Variants in PLAT observed in about 807,000 individuals in gnomAD.
PLAT encodes the protein tissue-type plasminogen activator.
In PLAT, 48 loss-of-function variants were observed where a neutral mutation model predicts 74.9. The observed-to-expected ratio is 0.64, with a 90% CI of 0.51 to 0.82. The LOEUF is 0.82. Among genes scored for constraint, PLAT ranks in the 40% least tolerant of loss-of-function variants. The pLI is 0.00. For missense variants in PLAT, 673 were observed against 736.2 expected, an observed-to-expected ratio of 0.91 and a Z score of 0.99; for synonymous variants, 307 against 294.4, an observed-to-expected ratio of 1.04 and a Z score of -0.44.
At position 42,193,176 on chromosome 8, in the gene PLAT, T is replaced by C; in HGVS notation, c.10A>G (p.Met4Val). The C allele has an allele frequency of 6.2e-7, 1 of 1,613,704 alleles. No individual in the cohort carries two copies. Among genetic ancestry groups the C allele is most frequent in the Non-Finnish European group, 8.5e-7 (1 of 1,179,670 alleles). The part of the protein sequence containing the change: MDA[M>V]KRGLCCVLLL... ...AGCACACAGCAGAGCCCTCTCTTCA[T>C]TGCATCCATGATTGCTTCACAGCGT... Residue 4 changes from methionine to valine, a missense_variant, in exon 2 of 14, where the codon ATG (methionine) becomes GTG (valine). Met to Val is a conservative substitution (Grantham distance 21). Coordinates refer to ENST00000220809, the MANE Select transcript of PLAT (RefSeq NM_000930.5).
chr8:42,186,309 A>G (rs1029384849), intron 6 of PLAT: 2 of 152,126 alleles, frequency 1.3e-5, no homozygotes, highest in African/African-American at 4.8e-5. Flanking sequence ...TGCTCATCTG[A>G]GACAAATGCG....
chr8:42,192,827 C>G (rs74458441), intron 2 of PLAT, among the ~76,000 whole-genome samples: 195 of 152,240 alleles, frequency 1.3e-3, no homozygotes, highest in African/African-American at 4.7e-3. Context: ...TTAAAAACAG[C>G]TGCAAAAAAA....
Position 42,187,463 on chromosome 8 carries a change from C to T in PLAT, c.474G>A (p.Gln158=). The T allele has an allele frequency of 6.2e-7, 1 of 1,607,684 alleles. No individual in the cohort carries two copies. The highest frequency in any genetic ancestry group is 1.7e-4 in the Middle Eastern group (1 of 6,050). ...CTGGCCTCCGCCCGCTGTAGGGCTTCTGGGCCAACGCGCTGCTGTTCCAGT... is the reference window on the plus strand; with the variant it reads ...CTGGCCTCCGCCCGCTGTAGGGCTTTTGGGCCAACGCGCTGCTGTTCCAGT... ...CTNWNSSALA[Q]KPYSGRRPDA... The change falls in exon 6 of 14, where the codon CAG becomes CAA. Residue 158 remains glutamine (Q), a synonymous_variant. Transcript: ENST00000220809.
At position 42,187,952 on chromosome 8, in the gene PLAT, G is replaced by A. The variant is rs138954051; in HGVS notation, c.318C>T (p.Phe106=). ...CAAATCCTTCGGGGCACTGGCACACGAAATCTGAGAAGTACAGGGCCTGCT... is the reference window on the plus strand; with the variant it reads ...CAAATCCTTCGGGGCACTGGCACACAAAATCTGAGAAGTACAGGGCCTGCT... ...TCQQALYFSD[F]VCQCPEGFAG... The change falls in exon 5 of 14, where the codon TTC becomes TTT. Residue 106 remains phenylalanine (F), a synonymous_variant. Coordinates refer to ENST00000220809, the MANE Select transcript of PLAT (RefSeq NM_000930.5). 57 of 1,613,736 alleles carry A rather than the reference G, an allele frequency of 3.5e-5. No individual in the cohort carries two copies. Among genetic ancestry groups the A allele is most frequent in the African/African-American group, 5.3e-5 (4 of 75,038 alleles).
rs930892177 is a variant in PLAT, at chr8:42,175,102, G to C, written c.*891C>G. 1 of 152,128 alleles carries C rather than the reference G, an allele frequency of 6.6e-6. No homozygotes were observed. The highest frequency in any genetic ancestry group is 2.4e-5 in the African/African-American group (1 of 41,410). 9.4% of individuals were successfully genotyped at this position (152,128 alleles called of 1,614,324 possible). On this transcript the variant is annotated 3_prime_UTR_variant, in exon 14 of 14. Transcript: ENST00000220809. The stretch of plus-strand genomic sequence containing the variant: ...TCCTTTTCCCGGTCTGGAGCACCTA[G>C]CCCATTGCCTTGTATGTTACAGGTG...
Position 42,180,605 on chromosome 8 carries a change from AG to A in PLAT, c.969del (p.Trp324GlyfsTer45). On this transcript the variant is annotated frameshift_variant, in exon 10 of 14. Coordinates refer to ENST00000220809, the MANE Select transcript of PLAT (RefSeq NM_000930.5). LOFTEE classifies it high-confidence loss of function. ...TGCTTGGCAAAGATGGCAGCCTGCC[AG>A]GGGTGGGAGGCGATGTCGGCGAAGA... ...GGLFADIASH[P>X]WQAAIFAKHR... 1 of 1,613,240 alleles carries A rather than the reference AG, an allele frequency of 6.2e-7. No individual in the cohort carries two copies. Among genetic ancestry groups the A allele is most frequent in the Non-Finnish European group, 8.5e-7 (1 of 1,179,372 alleles).
rs5891180 is a variant in PLAT, at chr8:42,178,264, CTT to C, written c.1530+631_1530+632del. On this transcript the variant is annotated intron_variant, in intron 13 of 13. Transcript: ENST00000220809. Reference sequence around the variant, plus strand: ...TGCCAACAGAGGCAAACATTTCTTTCTTTTTTTTTTTTTTTTTTTTTTTGAGA... The same window carrying C: ...TGCCAACAGAGGCAAACATTTCTTTCTTTTTTTTTTTTTTTTTTTTTGAGA... 2.5e-3 allele frequency among the ~76,000 whole-genome samples: 272 copies of C among 110,046 alleles called. 1 individual carries two copies. The highest frequency in any genetic ancestry group is 8.6e-3 in the East Asian group (34 of 3,974). The allele number at this position is 110,046 out of a possible 152,430, so 72.2% of individuals were successfully genotyped here.
intron 2 of PLAT, among the ~76,000 whole-genome samples, chr8:42,192,806 G>C (rs151261841): frequency 2.6e-5 from 4 of 152,284 alleles, no homozygotes; most frequent in African/African-American, 9.6e-5. Flanking sequence ...GGATTAATTT[G>C]AATACATTCT....
intron 1 of PLAT, among the ~76,000 whole-genome samples, chr8:42,202,474 T>C (rs557834048): frequency 9.6e-4 from 146 of 152,170 alleles, no homozygotes; most frequent in African/African-American, 3.4e-3. Context: ...TGCAGGGATG[T>C]CCTCCTCCCA....
chr8:42,181,006 T>G (rs1222908061), intron 9 of PLAT, among the ~76,000 whole-genome samples: 1 of 152,256 alleles, frequency 6.6e-6, no homozygotes, highest in Non-Finnish European at 1.5e-5. Flanking sequence ...GAATTGCAGC[T>G]TCCTTCTGTG....
In PLAT at chr8:42,187,951, C is replaced by T. The variant is rs778893632; in HGVS notation, c.319G>A (p.Val107Met). The change falls in exon 5 of 14, where the codon GTG becomes ATG. Residue 107 changes from valine to methionine, a missense_variant. Val to Met is a conservative substitution (Grantham distance 21). Coordinates refer to ENST00000220809, the MANE Select transcript of PLAT (RefSeq NM_000930.5). ...CQQALYFSDFVCQCPEGFAGK... is the reference protein window; with the variant it reads ...CQQALYFSDFMCQCPEGFAGK... ...GCAAATCCTTCGGGGCACTGGCACACGAAATCTGAGAAGTACAGGGCCTGC... is the reference window on the plus strand; with the variant it reads ...GCAAATCCTTCGGGGCACTGGCACATGAAATCTGAGAAGTACAGGGCCTGC... The T allele has an allele frequency of 1.8e-5, 29 of 1,613,594 alleles. No homozygotes were observed. The highest frequency in any genetic ancestry group is 6.7e-5 in the African/African-American group (5 of 74,920).
In PLAT at chr8:42,185,176, A is replaced by T; in HGVS notation, c.540-4T>A. On this transcript the variant is annotated splice_polypyrimidine_tract_variant and splice_region_variant and intron_variant, in intron 6 of 13. Coordinates refer to ENST00000220809, the MANE Select transcript of PLAT (RefSeq NM_000930.5). Reference sequence around the variant, plus strand: ...CTTTGAGTCTCGATCTGGGTTTCTGAAAAATCAGCCAAGGGAAGGGCCAGG... The same window carrying T: ...CTTTGAGTCTCGATCTGGGTTTCTGTAAAATCAGCCAAGGGAAGGGCCAGG... 6.2e-7 allele frequency: 1 copy of T among 1,605,994 alleles called. No individual in the cohort carries two copies. The highest frequency in any genetic ancestry group is 1.1e-5 in the South Asian group (1 of 90,252).
In PLAT at chr8:42,180,421, T is replaced by C; in HGVS notation, c.1086-43A>G. 5 of 1,614,026 alleles carry C rather than the reference T, an allele frequency of 3.1e-6. No homozygotes were observed. The South Asian group carries it at 5.5e-5, about 18-fold the overall frequency. On this transcript the variant is annotated intron_variant, in intron 10 of 13. Coordinates refer to ENST00000220809, the MANE Select transcript of PLAT (RefSeq NM_000930.5). ...TTAGAATGCTTTTTTTGCTGTGGGA[T>C]TTCCCCTAAAGGGCTTGGTTTCTAG...
intron 6 of PLAT, chr8:42,186,933 C>T (rs1328206787): frequency 6.5e-6 from 1 of 153,064 alleles, no homozygotes; most frequent in Non-Finnish European, 1.5e-5. Context: ...AATCATCTAT[C>T]ATCTGTCAAT....
Position 42,180,509 on chromosome 8 carries a change from C to A in PLAT, c.1066G>T (p.Ala356Ser). ...CCCTACCTCTCCTGGAAGCAGTGGG[C>A]GGCAGAGAGAATCCAGCAGGAGCTG... ...LISSCWILSA[A>S]HCFQERFPPH... Residue 356 changes from alanine (A) to serine (S), a missense_variant, in exon 10 of 14, where the codon GCC becomes TCC. Transcript: ENST00000220809. 1 of 1,614,000 alleles carries A rather than the reference C, an allele frequency of 6.2e-7. No individual in the cohort carries two copies. The highest frequency in any genetic ancestry group is 8.5e-7 in the Non-Finnish European group (1 of 1,180,046).
intron 1 of PLAT, among the ~76,000 whole-genome samples, chr8:42,196,836 A>G (rs1805928207): frequency 1.5e-5 from 2 of 137,238 alleles, no homozygotes; most frequent in Non-Finnish European, 3.0e-5. Flanking sequence ...CAAAGAACTG[A>G]AAAAAAAAAA....
intron 1 of PLAT, among the ~76,000 whole-genome samples, chr8:42,204,021 A>G (rs1025067928): frequency 2.0e-5 from 3 of 149,426 alleles, no homozygotes; most frequent in African/African-American, 7.6e-5. Flanking sequence ...ACACACACAC[A>G]CACACACATA....
chr8:42,180,140 C>G, intron 11 of PLAT, 74 bp from the exon 12 acceptor site: 1 of 1,586,088 alleles, frequency 6.3e-7, no homozygotes. Flanking sequence ...GCAGGAGGGG[C>G]AGGGGCTGGA....
chr8:42,190,966 G>A lies in PLAT; in HGVS notation c.115+406C>T, dbSNP rs185035829. 4.5e-3 allele frequency among the ~76,000 whole-genome samples: 689 copies of A among 152,320 alleles called. 4 individuals are homozygous for A. Among genetic ancestry groups the A allele is most frequent in the Non-Finnish European group, 6.8e-3 (462 of 68,032 alleles). On this transcript the variant is annotated intron_variant, in intron 3 of 13. Coordinates refer to ENST00000220809, the MANE Select transcript of PLAT (RefSeq NM_000930.5). ...AGCCTAGGATGAGACCCAGAGCATG[G>A]GCCTGGCCTCGGCTGTGACTGCCCT... is the stretch of plus-strand genomic sequence containing the variant.
Sources: gnomAD v4.1 joint callset for allele counts (sites outside exome capture counted in the v4.1 genomes callset) on GRCh38, gnomAD v4.1.1 for gene constraint, MANE v1.5 for transcripts, NCBI Gene and HGNC (gene_info 2026-07-23, HGNC 2026-07-21) for gene names.